OR51B5: variants seen among roughly 807,000 people sequenced by gnomAD.
OR51B5 encodes the protein olfactory receptor family 51 subfamily B member 5.
For missense variants in OR51B5, 456 were observed against 374.6 expected (o/e 1.22, Z -1.79); for synonymous variants, 186 against 144.8 (o/e 1.28, Z -2.04).
intron 1 of OR51B5, among the ~76,000 whole-genome samples, chr11:5,493,302 G>C (rs1241873604): frequency 6.6e-6 from 1 of 152,148 alleles, no homozygotes; most frequent in East Asian, 1.9e-4. Context: ...ATTCTAAAGA[G>C]ACATCATCAT....
chr11:5,398,524 G>A (rs1849917220), intron 1 of OR51B5, among the ~76,000 whole-genome samples: 1 of 152,170 alleles, frequency 6.6e-6, no homozygotes, highest in South Asian at 2.1e-4. Context: ...CCCACCTGAG[G>A]CTCAGAGGCC....
At chr11:5,467,743 C>T (rs572532427) in intron 1 of OR51B5, among the ~76,000 whole-genome samples, 2 of 152,316 alleles carry the variant, frequency 1.3e-5, no homozygotes, top group Admixed American at 6.5e-5. Context: ...CTGCAGGACA[C>T]GAGCCCATAT....
intron 1 of OR51B5, among the ~76,000 whole-genome samples, chr11:5,461,259 G>A (rs888368979): frequency 1.3e-5 from 2 of 152,188 alleles, no homozygotes; most frequent in Admixed American, 6.5e-5. Flanking sequence ...TGCAGGCCAG[G>A]GGGTGGAGGC....
At chr11:5,419,289 T>C (rs1312685437) in intron 1 of OR51B5, among the ~76,000 whole-genome samples, 2 of 152,186 alleles carry the variant, frequency 1.3e-5, no homozygotes, top group African/African-American at 4.8e-5. Flanking sequence ...TCTCAGGTAA[T>C]AAGGAGTTAT....
At chr11:5,402,679 T>C in intron 1 of OR51B5, 1 of 471,304 alleles carries the variant, frequency 2.1e-6, no homozygotes, top group East Asian at 6.9e-5. Flanking sequence ...TCAGAGCACC[T>C]CTGGATATCC....
At chr11:5,384,589 A>G (rs761089287) in intron 1 of OR51B5, among the ~76,000 whole-genome samples, 33 of 152,222 alleles carry the variant, frequency 2.2e-4, no homozygotes, top group Non-Finnish European at 4.3e-4. Flanking sequence ...GATCATGTCT[A>G]GAAGTCAGGA....
chr11:5,390,673 A>C, intron 1 of OR51B5: 1 of 316,222 alleles, frequency 3.2e-6, no homozygotes, highest in Non-Finnish European at 5.8e-6. Flanking sequence ...ATGAAACTAA[A>C]TAAAAACTAA....
At position 5,468,872 on chromosome 11, in the gene OR51B5, T is replaced by A. The variant is rs552954147; in HGVS notation, n.84+36697A>T. On this transcript the variant is annotated intron_variant and non_coding_transcript_variant, in intron 1 of 4. Transcript: ENST00000415970. ...ACAGGGCAGCCGAATCAGGTCTGCA[T>A]GCAGACAGTAGGAATGGGCCAGTAC... is the stretch of plus-strand genomic sequence containing the variant. 6 of 413,470 alleles carry A rather than the reference T, an allele frequency of 1.5e-5. 1 individual carries two copies. The highest frequency in any genetic ancestry group is 1.2e-4 in the African/African-American group (6 of 49,326). The allele number at this position is 413,470 out of a possible 1,614,324, so 25.6% of individuals were successfully genotyped here.
chr11:5,388,600 TAC>T (rs1383666518), intron 1 of OR51B5, among the ~76,000 whole-genome samples: 1 of 149,032 alleles, frequency 6.7e-6, no homozygotes, highest in African/African-American at 2.5e-5. Context: ...ACCGTGAATA[TAC>T]AGAGGAAATT....
intron 1 of OR51B5, among the ~76,000 whole-genome samples, chr11:5,377,400 C>G (rs1021399152): frequency 5.1e-4 from 78 of 152,248 alleles, no homozygotes; most frequent in Non-Finnish European, 7.2e-4. Context: ...TAAACTGGCA[C>G]AAGACAGGGA....
At chr11:5,491,052 C>T (rs1455892662) in intron 1 of OR51B5, among the ~76,000 whole-genome samples, 1 of 152,240 alleles carries the variant, frequency 6.6e-6, no homozygotes, top group Admixed American at 6.5e-5. Flanking sequence ...AATTAATAAG[C>T]ACTCAAAATA....
chr11:5,505,119 G>A (rs1269822307), intron 1 of OR51B5, among the ~76,000 whole-genome samples: 1 of 152,220 alleles, frequency 6.6e-6, no homozygotes, highest in South Asian at 2.1e-4. Flanking sequence ...GTGTTTTTTT[G>A]TTTTGTTTTG....
chr11:5,381,914 A>C (rs1056758830), intron 1 of OR51B5, among the ~76,000 whole-genome samples: 3 of 152,232 alleles, frequency 2.0e-5, no homozygotes, highest in African/African-American at 4.8e-5. Flanking sequence ...TCTAAATGGT[A>C]GGTTATCCAC....
intron 1 of OR51B5, among the ~76,000 whole-genome samples, chr11:5,382,878 A>G (rs1321489898): frequency 6.6e-6 from 1 of 152,090 alleles, no homozygotes; most frequent in Non-Finnish European, 1.5e-5. Flanking sequence ...TTAGATCTGT[A>G]TGCCCCGTTT....
chr11:5,498,935 C>A (rs747910921), intron 1 of OR51B5, among the ~76,000 whole-genome samples: 1 of 152,174 alleles, frequency 6.6e-6, no homozygotes, highest in Non-Finnish European at 1.5e-5. Flanking sequence ...GGGCTGGAGG[C>A]CAGATGAAGG....
chr11:5,375,423 A>G lies in OR51B5; in HGVS notation n.85-28513T>C, dbSNP rs186895118. On this transcript the variant is annotated intron_variant and non_coding_transcript_variant, in intron 1 of 4. Coordinates refer to the OR51B5 transcript ENST00000415970. ...ATCAAGACTAGGAAGAAACTGCATC[A>G]ACTAACGAGCAAAATAACCAGCTAT... Among the ~76,000 whole-genome samples the G allele has an allele frequency of 1.3e-3, 181 of 136,012 alleles. 3 individuals carry two copies. In the East Asian group the frequency reaches 0.029, roughly 22 times the overall value. The allele number at this position is 136,012 out of a possible 152,430, so 89.2% of individuals were successfully genotyped here.
At chr11:5,344,349 T>G (rs942706157), upstream of OR51B5, among the ~76,000 whole-genome samples, 3 of 152,232 alleles carry the variant, frequency 2.0e-5, no homozygotes, top group Admixed American at 6.5e-5. Flanking sequence ...TCTTTTTAAA[T>G]TATTTTTCTA....
At chr11:5,379,880 C>G (rs114008485) in intron 1 of OR51B5, among the ~76,000 whole-genome samples, 2,240 of 152,140 alleles carry the variant, frequency 0.015, 58 homozygotes, top group African/African-American at 0.051. Flanking sequence ...CATGCACTTG[C>G]TCTTTGTCTG....
At chr11:5,394,985 G>A (rs1235840570) in intron 1 of OR51B5, among the ~76,000 whole-genome samples, 1 of 152,212 alleles carries the variant, frequency 6.6e-6, no homozygotes, top group Non-Finnish European at 1.5e-5. Context: ...AAAGAGGATT[G>A]AGAAGCACCC....
Sources: gnomAD v4.1 joint callset for allele counts (sites outside exome capture counted in the v4.1 genomes callset) on GRCh38, gnomAD v4.1.1 for gene constraint, MANE v1.5 for transcripts, NCBI Gene and HGNC (gene_info 2026-07-23, HGNC 2026-07-21) for gene names.